UBE4B: variants seen among roughly 807,000 people sequenced by gnomAD.
The protein encoded by UBE4B is ubiquitin conjugation factor E4 B.
A neutral mutation model predicts 148.1 loss-of-function variants in UBE4B; 27 were observed. That is an observed-to-expected ratio of 0.18 (90% CI 0.13 to 0.25). UBE4B has a LOEUF of 0.25. UBE4B is among the 10% of genes least tolerant of loss of function. The pLI is 1.00. For missense variants in UBE4B, 1,170 were observed against 1,662.4 expected (o/e 0.70, Z 5.15); for synonymous variants, 596 against 619.3 (o/e 0.96, Z 0.56).
At chr1:10,131,054 C>T (rs1423214536) in intron 14 of UBE4B, among the ~76,000 whole-genome samples, 4 of 152,200 alleles carry the variant, frequency 2.6e-5, no homozygotes, top group Non-Finnish European at 4.4e-5. Context: ...CTTAGTGGCC[C>T]GGCTCCTCCT....
chr1:10,117,686 T>C, intron 8 of UBE4B, 86 bp downstream of exon 8: 2 of 1,431,258 alleles, frequency 1.4e-6, no homozygotes, highest in South Asian at 3.0e-5. Flanking sequence ...ATTGATTTAT[T>C]CAATCAGTAA....
chr1:10,054,685 A>G lies in UBE4B; in HGVS notation c.25-17343A>G, dbSNP rs1644127103. ...TACAATGCCAGCAGCATGCTGGGTA[A>G]CATTGTAGACTCTTCCAGTCTAGCC... On this transcript the variant is annotated intron_variant, in intron 1 of 27. Coordinates refer to ENST00000343090, the MANE Select transcript of UBE4B (RefSeq NM_001105562.3). The G allele has an allele frequency of 1.5e-5, 4 of 265,910 alleles. No individual in the cohort carries two copies. In the South Asian group the frequency reaches 1.6e-4, roughly 11 times the overall value. 16.5% of individuals were successfully genotyped at this position (265,910 alleles called of 1,614,324 possible).
chr1:10,150,772 A>C (rs577009631), intron 20 of UBE4B, among the ~76,000 whole-genome samples: 1 of 151,380 alleles, frequency 6.6e-6, no homozygotes, highest in East Asian at 2.0e-4. Context: ...AGGCAGGAGA[A>C]TCGCTTGAAC....
chr1:10,133,238 A>G (rs1645625581), intron 15 of UBE4B, among the ~76,000 whole-genome samples: 1 of 152,148 alleles, frequency 6.6e-6, no homozygotes, highest in Non-Finnish European at 1.5e-5. Context: ...TGATGTGTAT[A>G]CTCAGAAGCA....
At chr1:10,169,448 C>G (rs1388537273) in intron 24 of UBE4B, among the ~76,000 whole-genome samples, 2 of 152,194 alleles carry the variant, frequency 1.3e-5, no homozygotes, top group Non-Finnish European at 2.9e-5. Context: ...AACTTTCCAC[C>G]TCATGTCTCT....
In UBE4B at chr1:10,179,909, G is replaced by C. The variant is rs1646481446; in HGVS notation, c.3862G>C (p.Glu1288Gln). The C allele has an allele frequency of 6.2e-7, 1 of 1,614,096 alleles. No individual in the cohort carries two copies. ...SMLEPVPELK[E>Q]QIQAWMREKQ... is the part of the protein sequence containing the mutation. ...TCTTTTCTCAGTGCCAGAACTGAAAGAGCAGATTCAGGCGTGGATGAGAGA... is the reference window on the plus strand; with the variant it reads ...TCTTTTCTCAGTGCCAGAACTGAAACAGCAGATTCAGGCGTGGATGAGAGA... Residue 1288 changes from glutamate to glutamine, a missense_variant, in exon 28 of 28, where the codon GAG (glutamate) becomes CAG (glutamine). Physicochemically the swap from Glu to Gln is conservative, Grantham distance 29 (BLOSUM62 2). This residue lies in a region of UBE4B where 348 missense variants were observed against 627.2 expected (regional missense o/e 0.55). Coordinates refer to ENST00000343090, the MANE Select transcript of UBE4B (RefSeq NM_001105562.3).
intron 2 of UBE4B, among the ~76,000 whole-genome samples, chr1:10,073,677 G>A (rs1270384161): frequency 6.6e-6 from 1 of 152,042 alleles, no homozygotes; most frequent in Non-Finnish European, 1.5e-5. Context: ...CCAAGATTGC[G>A]CTACTGCACT....
intron 1 of UBE4B, among the ~76,000 whole-genome samples, chr1:10,064,859 G>T (rs1248260201): frequency 6.6e-6 from 1 of 151,796 alleles, no homozygotes; most frequent in East Asian, 1.9e-4. Context: ...CACCTCCCGG[G>T]TTCAAGCAAT....
Position 10,180,073 on chromosome 1 carries a change from C to G in UBE4B, c.*117C>G, listed in dbSNP as rs994422578. 10 of 1,296,100 alleles carry G rather than the reference C, an allele frequency of 7.7e-6. No individual in the cohort carries two copies. Among genetic ancestry groups the G allele is most frequent in the Non-Finnish European group, 1.1e-5 (10 of 917,690 alleles). The allele number at this position is 1,296,100 out of a possible 1,614,324, so 80.3% of individuals were successfully genotyped here. Reference sequence around the variant, plus strand: ...GGAGGCCAAATGTGGCAAACCAACCCCAGGCCCACCCAGAGCGAGCAAACG... The same window carrying G: ...GGAGGCCAAATGTGGCAAACCAACCGCAGGCCCACCCAGAGCGAGCAAACG... On this transcript the variant is annotated 3_prime_UTR_variant, in exon 28 of 28. Transcript: ENST00000343090.
At chr1:10,133,974 C>A (rs1000506561) in intron 15 of UBE4B, among the ~76,000 whole-genome samples, 1 of 151,042 alleles carries the variant, frequency 6.6e-6, no homozygotes, top group Non-Finnish European at 1.5e-5. Flanking sequence ...CACTTAAGCC[C>A]GGGAGGTTGA....
intron 1 of UBE4B, among the ~76,000 whole-genome samples, chr1:10,048,529 G>A (rs1570777182): frequency 6.6e-6 from 1 of 152,122 alleles, no homozygotes; most frequent in Non-Finnish European, 1.5e-5. Flanking sequence ...GAGATCAGGA[G>A]GACTCAGAAA....
chr1:10,045,334 C>G (rs1643889838), intron 1 of UBE4B, among the ~76,000 whole-genome samples: 2 of 152,108 alleles, frequency 1.3e-5, no homozygotes, highest in South Asian at 4.1e-4. Context: ...ACTGAACATA[C>G]AGTTAGGAGG....
In UBE4B at chr1:10,106,951, G is replaced by A. The variant is rs1007109024; in HGVS notation, c.1196+368G>A. ...TTTTTTACTTCTGGTGAGTGGGGTGGGTCGGTTCATGTCCTGACGTGTTGA... is the reference window on the plus strand; with the variant it reads ...TTTTTTACTTCTGGTGAGTGGGGTGAGTCGGTTCATGTCCTGACGTGTTGA... On this transcript the variant is annotated intron_variant, in intron 7 of 27. Transcript: ENST00000343090. The surrounding 1 kb of genome is among the most constrained non-coding windows in gnomAD (Gnocchi z 4.2). Among the ~76,000 whole-genome samples, 1 of 152,080 alleles carries A rather than the reference G, an allele frequency of 6.6e-6. No individual in the cohort carries two copies. The highest frequency in any genetic ancestry group is 2.4e-5 in the African/African-American group (1 of 41,398).
chr1:10,141,136 G>A (rs930092908), intron 17 of UBE4B, among the ~76,000 whole-genome samples: 1 of 152,174 alleles, frequency 6.6e-6, no homozygotes, highest in Admixed American at 6.5e-5. Context: ...TGTTTCTGCA[G>A]TACATATGTG....
intron 5 of UBE4B, among the ~76,000 whole-genome samples, chr1:10,105,038 CTT>C (rs1645082626): frequency 6.6e-6 from 1 of 152,162 alleles, no homozygotes. Flanking sequence ...TTCATAAAAT[CTT>C]TTGAACCTTG....
intron 25 of UBE4B, among the ~76,000 whole-genome samples, chr1:10,177,310 A>G (rs1646442728): frequency 6.6e-6 from 1 of 151,772 alleles, no homozygotes; most frequent in Non-Finnish European, 1.5e-5. Flanking sequence ...ACTTGAGGTC[A>G]GGAGATCGAG....
At chr1:10,136,904 G>C (rs2101956746) in intron 16 of UBE4B, among the ~76,000 whole-genome samples, 163 bp from the exon 17 acceptor site, 1 of 152,198 alleles carries the variant, frequency 6.6e-6, no homozygotes, top group East Asian at 1.9e-4. Flanking sequence ...TGGGTGACGA[G>C]AGCAAAAGTC....
intron 1 of UBE4B, among the ~76,000 whole-genome samples, chr1:10,063,600 A>T (rs1459573620): frequency 5.3e-5 from 8 of 152,024 alleles, no homozygotes; most frequent in Admixed American, 5.2e-4. Context: ...AGCTAGAGTG[A>T]TTTGTTTTAA....
At chr1:10,096,684 T>C (rs537791462) in intron 3 of UBE4B, among the ~76,000 whole-genome samples, 2 of 151,892 alleles carry the variant, frequency 1.3e-5, no homozygotes, top group African/African-American at 4.8e-5. Flanking sequence ...ATTGTGCCAC[T>C]GCACTCCAGC....
Sources: gnomAD v4.1 joint callset for allele counts (sites outside exome capture counted in the v4.1 genomes callset) on GRCh38, gnomAD v4.1.1 for gene constraint, gnomAD v4.1.1 regional missense constraint, Gnocchi (gnomAD v3.1) non-coding constraint, MANE v1.5 for transcripts, NCBI Gene and HGNC (gene_info 2026-07-23, HGNC 2026-07-21) for gene names.